DENND1B: variants seen among roughly 807,000 people sequenced by gnomAD.
DENND1B encodes the protein DENN domain containing 1B.
In DENND1B, 59 loss-of-function variants were observed where a neutral mutation model predicts 90.1. The ratio of observed to expected loss-of-function variants is 0.65; its 90% confidence interval spans 0.53 to 0.81. DENND1B has a LOEUF of 0.81. Among genes scored for constraint, DENND1B ranks in the 40% least tolerant of loss-of-function variants. The probability of loss-of-function intolerance (pLI) is 0.00; values close to 1 mark genes in which losing one functional copy is unlikely to be tolerated. For synonymous variants in DENND1B, 337 were observed against 324.6 expected, an observed-to-expected ratio of 1.04 and a Z score of -0.41; for missense variants, 862 against 912.6, an observed-to-expected ratio of 0.94 and a Z score of 0.71.
At position 197,545,850 on chromosome 1, in the gene DENND1B, TTA is replaced by T; in HGVS notation, c.1350+70_1350+71del. The T allele has an allele frequency of 3.9e-6, 5 of 1,273,986 alleles. No individual in the cohort carries two copies. The South Asian group carries it at 5.5e-5, about 14-fold the overall frequency. The allele number at this position is 1,273,986 out of a possible 1,614,324, so 78.9% of individuals were successfully genotyped here. Reference sequence around the variant, plus strand: ...AAGAAAAATAGAAAATATTCAGAATTTATATGTCTATCACCTAGGAAAATGTT... The same window carrying T: ...AAGAAAAATAGAAAATATTCAGAATTTATGTCTATCACCTAGGAAAATGTT... On this transcript the variant is annotated intron_variant, in intron 18 of 22. Coordinates refer to ENST00000620048, the MANE Select transcript of DENND1B (RefSeq NM_001195215.2).
In DENND1B at chr1:197,568,848, TAAAACTAC is replaced by T. The variant is rs1478395070; in HGVS notation, c.1149+14296_1149+14303del. Among the ~76,000 whole-genome samples, 28 of 152,054 alleles carry T rather than the reference TAAAACTAC, an allele frequency of 1.8e-4. No homozygotes were observed. In the South Asian group the frequency reaches 5.4e-3, roughly 29 times the overall value. ...TTTATAAACATAAGACCTGAAACCA[TAAAACTAC>T]AAGAAGAAAACACAGGGGAAAAGCT... is the stretch of plus-strand genomic sequence containing the variant. On this transcript the variant is annotated intron_variant, in intron 15 of 22. Coordinates refer to ENST00000620048, the MANE Select transcript of DENND1B (RefSeq NM_001195215.2).
intron 6 of DENND1B, among the ~76,000 whole-genome samples, chr1:197,656,077 A>G (rs767615028): frequency 3.3e-5 from 5 of 152,192 alleles, no homozygotes; most frequent in Admixed American, 6.5e-5. Context: ...AGAGGAGACT[A>G]TGAAGCGATT....
intron 10 of DENND1B, among the ~76,000 whole-genome samples, chr1:197,632,905 A>G (rs1166539487): frequency 6.6e-6 from 1 of 152,172 alleles, no homozygotes; most frequent in Non-Finnish European, 1.5e-5. Context: ...ATAGTTTGGC[A>G]AAGAGAAACG....
At chr1:197,733,810 T>C (rs553404192) in intron 2 of DENND1B, among the ~76,000 whole-genome samples, 8 of 152,164 alleles carry the variant, frequency 5.3e-5, no homozygotes, top group Non-Finnish European at 1.0e-4. Flanking sequence ...TTGTTGAACA[T>C]AAAGATAAGA....
At chr1:197,651,556 A>C (rs971175876) in intron 7 of DENND1B, among the ~76,000 whole-genome samples, 11 of 151,046 alleles carry the variant, frequency 7.3e-5, no homozygotes, top group South Asian at 2.1e-4. Flanking sequence ...TTCTATTCTT[A>C]CTAAGTACCG....
In DENND1B at chr1:197,670,443, C is replaced by CTGTGTGTGTGTGTGTGTGTGTGTG. The variant is rs60648023; in HGVS notation, c.296+1570_296+1593dup. Among the ~76,000 whole-genome samples, 794 of 99,532 alleles carry CTGTGTGTGTGTGTGTGTGTGTGTG rather than the reference C, an allele frequency of 8.0e-3. 31 individuals carry two copies. The highest frequency in any genetic ancestry group is 0.013 in the East Asian group (37 of 2,824). The allele number at this position is 99,532 out of a possible 152,430, so 65.3% of individuals were successfully genotyped here. On this transcript the variant is annotated intron_variant, in intron 5 of 22. Coordinates refer to ENST00000620048, the MANE Select transcript of DENND1B (RefSeq NM_001195215.2). ...AACAACAATAAAGGTGGGGGGAAGA[C>CTGTGTGTGTGTGTGTGTGTGTGTG]TGTGTGTGTGTGTGTGTGTGTGTGT...
chr1:197,725,032 T>C (rs996156298), intron 2 of DENND1B, among the ~76,000 whole-genome samples: 26 of 152,048 alleles, frequency 1.7e-4, no homozygotes, highest in Non-Finnish European at 3.1e-4. Context: ...CTGTGTATAA[T>C]GGAAGAGGGA....
At position 197,513,171 on chromosome 1, in the gene DENND1B, TAAA is replaced by T. The variant is rs4026515; in HGVS notation, c.1516-221_1516-219del. Among the ~76,000 whole-genome samples the T allele has an allele frequency of 2.7e-3, 396 of 146,910 alleles. 2 individuals are homozygous for T. Among genetic ancestry groups the T allele is most frequent in the Non-Finnish European group, 4.3e-3 (282 of 66,320 alleles). On this transcript the variant is annotated intron_variant, in intron 20 of 22. Coordinates refer to ENST00000620048, the MANE Select transcript of DENND1B (RefSeq NM_001195215.2). ...AACACTTACTAACTTCTCAAACCAATAAAAAAAAAAAAAACCCAACAGATCACT... is the reference window on the plus strand; with the variant it reads ...AACACTTACTAACTTCTCAAACCAATAAAAAAAAAAACCCAACAGATCACT...
At chr1:197,519,951 G>A (rs755871590) in intron 20 of DENND1B, among the ~76,000 whole-genome samples, 10 of 151,704 alleles carry the variant, frequency 6.6e-5, no homozygotes, top group Non-Finnish European at 1.2e-4. Flanking sequence ...TTAAATTCAA[G>A]GGGGATTATA....
At chr1:197,655,809 G>A (rs1360887080) in intron 6 of DENND1B, among the ~76,000 whole-genome samples, 1 of 152,148 alleles carries the variant, frequency 6.6e-6, no homozygotes, top group Admixed American at 6.5e-5. Context: ...TGGGATTACA[G>A]GTGTGAGCCA....
chr1:197,544,885 A>AG, intron 18 of DENND1B, among the ~76,000 whole-genome samples: 1 of 37,330 alleles, frequency 2.7e-5, no homozygotes, highest in Non-Finnish European at 5.7e-5. Context: ...ATGAAGAGGA[A>AG]GAGGAAGAAG....
At chr1:197,647,217 C>A in intron 7 of DENND1B, 103 bp from the exon 8 acceptor site, 1 of 631,128 alleles carries the variant, frequency 1.6e-6, no homozygotes, top group Non-Finnish European at 2.4e-6. Context: ...GCCAAGTTAG[C>A]CACTAAAAAA....
chr1:197,676,274 A>G (rs1264515881), intron 3 of DENND1B, among the ~76,000 whole-genome samples: 1 of 152,078 alleles, frequency 6.6e-6, no homozygotes, highest in East Asian at 1.9e-4. Flanking sequence ...GAAAAGAGAG[A>G]GACTTGGAAG....
At chr1:197,738,615 T>C (rs1662933544) in intron 2 of DENND1B, among the ~76,000 whole-genome samples, 1 of 150,364 alleles carries the variant, frequency 6.7e-6, no homozygotes, top group Admixed American at 6.6e-5. Flanking sequence ...TTCCCAAACA[T>C]TATTTACCCA....
At chr1:197,743,944 T>C (rs1382465025) in intron 2 of DENND1B, among the ~76,000 whole-genome samples, 1 of 152,232 alleles carries the variant, frequency 6.6e-6, no homozygotes, top group African/African-American at 2.4e-5. Flanking sequence ...AGATTCCATC[T>C]TAAGAAATCA....
At chr1:197,524,059 C>T (rs1668968518) in intron 20 of DENND1B, among the ~76,000 whole-genome samples, 1 of 151,556 alleles carries the variant, frequency 6.6e-6, no homozygotes, top group African/African-American at 2.4e-5. Flanking sequence ...CTCTTTAAGA[C>T]AGGTCAATAG....
intron 3 of DENND1B, among the ~76,000 whole-genome samples, chr1:197,696,630 T>G (rs1443523799): frequency 1.3e-5 from 2 of 151,590 alleles, no homozygotes; most frequent in Non-Finnish European, 3.0e-5. Context: ...TTGAAATCTT[T>G]CCAAATTTAA....
At chr1:197,534,753 A>G (rs897520329) in intron 20 of DENND1B, among the ~76,000 whole-genome samples, 9 of 152,210 alleles carry the variant, frequency 5.9e-5, no homozygotes, top group Non-Finnish European at 1.0e-4. Context: ...AGTTTCTCTG[A>G]CATACATGCT....
At chr1:197,629,101 T>C (rs1679077109) in intron 10 of DENND1B, among the ~76,000 whole-genome samples, 1 of 152,164 alleles carries the variant, frequency 6.6e-6, no homozygotes, top group Non-Finnish European at 1.5e-5. Context: ...AGTTCGACCA[T>C]TGTGGAAGTC....
Sources: gnomAD v4.1 joint callset for allele counts (sites outside exome capture counted in the v4.1 genomes callset) on GRCh38, gnomAD v4.1.1 for gene constraint, MANE v1.5 for transcripts, NCBI Gene and HGNC (gene_info 2026-07-23, HGNC 2026-07-21) for gene names.